The following WAC variants were observed in gnomAD, a reference collection of about 807,000 sequenced individuals.
WAC encodes WW domain-containing adapter protein with coiled-coil.
A neutral mutation model predicts 79.6 loss-of-function variants in WAC; 11 were observed. The ratio of observed to expected loss-of-function variants is 0.14; its 90% CI spans 0.09 to 0.23. WAC has a LOEUF of 0.23. WAC is among the 10% of genes least tolerant of loss of function. The pLI, the probability that WAC is intolerant of heterozygous loss-of-function variation, is 1.00. For synonymous variants in WAC, 304 were observed against 276.9 expected, an observed-to-expected ratio of 1.10 and a Z score of -0.97; for missense variants, 728 against 773.5, an observed-to-expected ratio of 0.94 and a Z score of 0.70.
At chr10:28,623,110 TAATC>T (rs141836336) in exon 14 of WAC, 1,055 of 152,346 alleles carry the variant, frequency 6.9e-3, 12 homozygotes, top group African/African-American at 0.024. Flanking sequence ...GCTGAGATTT[TAATC>T]AGTCGGTGTG....
intron 6 of WAC, among the ~76,000 whole-genome samples, chr10:28,595,511 A>G (rs1180553623): frequency 6.6e-6 from 1 of 152,056 alleles, no homozygotes; most frequent in Non-Finnish European, 1.5e-5. Context: ...AGTATAGATG[A>G]ATATTTATAG....
chr10:28,595,775 A>C lies in WAC; in HGVS notation c.653A>C (p.Gln218Pro). 1.2e-6 allele frequency: 2 copies of C among 1,614,120 alleles called. No individual in the cohort carries two copies. The highest frequency in any genetic ancestry group is 1.7e-6 in the Non-Finnish European group (2 of 1,180,012). Residue 218 changes from glutamine to proline, a missense_variant, in exon 7 of 14, where the codon CAG becomes CCG. Gln to Pro is a moderately conservative substitution (Grantham distance 76). Transcript: ENST00000354911. ...HSSDASSLLPQNILSQTSRHN... is the reference protein window; with the variant it reads ...HSSDASSLLPPNILSQTSRHN... ...AGTGATGCCAGTAGTTTGCTCCCAC[A>C]GAATATTTTGTCTCAAACAAGCAGA...
At position 28,617,671 on chromosome 10, in the gene WAC, C is replaced by T. The variant is rs1331017399; in HGVS notation, c.1761C>T (p.Arg587=). Residue 587 remains arginine, a synonymous_variant, in exon 13 of 14, where the codon CGC becomes CGT. Coordinates refer to ENST00000354911, the MANE Select transcript of WAC (RefSeq NM_016628.5). ...DHAEKQASRL[R]EEAHNMGTIH... ...TTTAATTACAGGCATCAAGATTACG[C>T]GAAGAAGCGCATAACATGGGAACTA... 6.4e-6 allele frequency: 10 copies of T among 1,569,552 alleles called. No homozygotes were observed. The highest frequency in any genetic ancestry group is 1.3e-5 in the South Asian group (1 of 78,842).
intron 7 of WAC, among the ~76,000 whole-genome samples, chr10:28,596,918 C>T (rs184497178): frequency 1.4e-4 from 22 of 152,140 alleles, no homozygotes; most frequent in African/African-American, 4.1e-4. Context: ...TTTCCTCTCT[C>T]CTTGAACTAC....
At chr10:28,533,744 GGGA>G in intron 1 of WAC, 124 bp downstream of exon 1, 1 of 1,236,444 alleles carries the variant, frequency 8.1e-7, no homozygotes, top group African/African-American at 1.6e-5. Flanking sequence ...GATCGGGTTG[GGGA>G]GGAGGAGCGG....
At chr10:28,616,503 A>G in intron 12 of WAC, 141 bp downstream of exon 12, 1 of 777,182 alleles carries the variant, frequency 1.3e-6, no homozygotes, top group East Asian at 2.9e-5. Flanking sequence ...CATTTAAAAA[A>G]TATTTGATAT....
At position 28,556,388 on chromosome 10, in the gene WAC, A is replaced by ATTTTTTTTTTT. The variant is rs764934182; in HGVS notation, c.274+20648_274+20658dup. ...TAGATTCAATTTCGTTGCCCATTAAATTTTTTTTTTTTTTTTTTTTTTTTT... is the reference window on the plus strand; with the variant it reads ...TAGATTCAATTTCGTTGCCCATTAAATTTTTTTTTTTTTTTTTTTTTTTTTTTTTTTTTTTT... On this transcript the variant is annotated intron_variant, in intron 3 of 13. Transcript: ENST00000354911. Among the ~76,000 whole-genome samples, 70 of 55,088 alleles carry ATTTTTTTTTTT rather than the reference A, an allele frequency of 1.3e-3. 8 individuals are homozygous for ATTTTTTTTTTT. The highest frequency in any genetic ancestry group is 6.3e-3 in the East Asian group (10 of 1,596). The allele number at this position is 55,088 out of a possible 152,430, so 36.1% of individuals were successfully genotyped here.
At chr10:28,589,878 A>T (rs549917595) in intron 5 of WAC, 27 bp downstream of exon 5, 1 of 1,496,618 alleles carries the variant, frequency 6.7e-7, no homozygotes. Flanking sequence ...CTAATTAAAC[A>T]TTATTTCTCT....
chr10:28,552,611 C>T (rs1024704662), intron 3 of WAC, among the ~76,000 whole-genome samples: 2 of 152,208 alleles, frequency 1.3e-5, no homozygotes, highest in Admixed American at 1.3e-4. Context: ...AATTTTGAAT[C>T]ATATAGTCAG....
intron 6 of WAC, among the ~76,000 whole-genome samples, chr10:28,593,050 T>C (rs1329116710): frequency 6.6e-6 from 1 of 152,234 alleles, no homozygotes; most frequent in Non-Finnish European, 1.5e-5. Flanking sequence ...CTTCTCTGAT[T>C]ACTGCCTTCA....
chr10:28,589,670 G>A (rs1839993373), intron 4 of WAC, 66 bp from the exon 5 acceptor site: 2 of 1,049,984 alleles, frequency 1.9e-6, no homozygotes, highest in Non-Finnish European at 2.9e-6. Context: ...GTGCTTTGAT[G>A]TTGTTGATAT....
At chr10:28,559,104 G>C (rs538949033) in intron 3 of WAC, among the ~76,000 whole-genome samples, 3 of 148,788 alleles carry the variant, frequency 2.0e-5, no homozygotes, top group Admixed American at 6.8e-5. Flanking sequence ...GTAGACAACA[G>C]ATTAGTTAAA....
At chr10:28,568,224 G>A (rs1488214232) in intron 3 of WAC, among the ~76,000 whole-genome samples, 5 of 152,160 alleles carry the variant, frequency 3.3e-5, no homozygotes, top group Admixed American at 2.0e-4. Context: ...TACTTTTAAC[G>A]TAATTTTCAG....
In WAC at chr10:28,621,785, CCTATG is replaced by C. The variant is rs1019876238; in HGVS notation, c.*2180_*2184del. On this transcript the variant is annotated 3_prime_UTR_variant, in exon 14 of 14. Coordinates refer to ENST00000354911, the MANE Select transcript of WAC (RefSeq NM_016628.5). ...TGCTTATAGTCTACTGGTCTGTGTACCTATGTTTTGTTTTTCAAAAAAGTTTACAT... is the reference window on the plus strand; with the variant it reads ...TGCTTATAGTCTACTGGTCTGTGTACTTTTGTTTTTCAAAAAAGTTTACAT... 4 of 152,080 alleles carry C rather than the reference CCTATG, an allele frequency of 2.6e-5. No individual in the cohort carries two copies. The highest frequency in any genetic ancestry group is 9.7e-5 in the African/African-American group (4 of 41,394). The allele number at this position is 152,080 out of a possible 1,614,324, so 9.4% of individuals were successfully genotyped here. A position where few individuals can be genotyped will look rare whatever the true frequency, so the allele number is the denominator to read the frequency against.
chr10:28,536,188 A>G (rs1460253526), intron 3 of WAC, among the ~76,000 whole-genome samples: 1 of 151,680 alleles, frequency 6.6e-6, no homozygotes, highest in Non-Finnish European at 1.5e-5. Context: ...TGGAGGTTGC[A>G]GTCAGCCTGA....
intron 7 of WAC, among the ~76,000 whole-genome samples, chr10:28,599,475 G>A (rs896735258): frequency 6.6e-6 from 1 of 152,170 alleles, no homozygotes; most frequent in Non-Finnish European, 1.5e-5. Context: ...GTGTGTAATG[G>A]ATGTTGTATA....
intron 8 of WAC, among the ~76,000 whole-genome samples, chr10:28,610,345 T>C (rs1222625612): frequency 1.3e-5 from 2 of 152,110 alleles, no homozygotes; most frequent in Non-Finnish European, 2.9e-5. Context: ...TCCAGTTAAT[T>C]CCATATAACA....
rs1398737756 is a variant in WAC, at chr10:28,533,808, G to A, written c.41+188G>A. 5.0e-6 allele frequency: 5 copies of A among 999,314 alleles called. No individual in the cohort carries two copies. The African/African-American group carries it at 5.2e-5, about 10-fold the overall frequency. 61.9% of individuals were successfully genotyped at this position (999,314 alleles called of 1,614,324 possible). On this transcript the variant is annotated intron_variant, in intron 1 of 13. Transcript: ENST00000354911. ...CAGTGTGGCGGGGAGCGGGGGCCCG[G>A]CTTCGCGGCATTTCGCCCTCTCCGG... is the stretch of plus-strand genomic sequence containing the variant.
intron 3 of WAC, among the ~76,000 whole-genome samples, chr10:28,539,826 T>G (rs1836910408): frequency 6.6e-6 from 1 of 152,148 alleles, no homozygotes; most frequent in Non-Finnish European, 1.5e-5. Context: ...CCCAAAGTGC[T>G]AGGATTACAG....
Sources: gnomAD v4.1 joint callset for allele counts (sites outside exome capture counted in the v4.1 genomes callset) on GRCh38, gnomAD v4.1.1 for gene constraint, MANE v1.5 for transcripts, NCBI Gene and HGNC (gene_info 2026-07-23, HGNC 2026-07-21) for gene names.